SMYD3: variants seen among roughly 807,000 people sequenced by gnomAD.
The protein encoded by SMYD3 is histone-lysine N-methyltransferase SMYD3.
Under a neutral mutation model 57.7 loss-of-function variants are expected in SMYD3, and 36 were observed. The ratio of observed to expected loss-of-function variants is 0.62; its 90% CI spans 0.48 to 0.82. The LOEUF (loss-of-function observed/expected upper bound fraction) is 0.82, where lower values mean the gene tolerates loss of function less well. SMYD3 is among the 40% of genes least tolerant of loss of function. The pLI is 0.00. For missense variants in SMYD3, 515 were observed against 538.8 expected (o/e 0.96, Z 0.44); for synonymous variants, 211 against 195.0 (o/e 1.08, Z -0.68).
At chr1:245,964,188 G>T (rs546928688) in intron 5 of SMYD3, among the ~76,000 whole-genome samples, 1 of 152,098 alleles carries the variant, frequency 6.6e-6, no homozygotes, top group Admixed American at 6.5e-5. Context: ...ACCAGCTCTT[G>T]TGTGAACTAA....
intron 5 of SMYD3, among the ~76,000 whole-genome samples, chr1:246,091,164 C>T (rs984756878): frequency 1.8e-4 from 28 of 152,150 alleles, no homozygotes; most frequent in African/African-American, 6.8e-4. Context: ...GAGAATCTCC[C>T]AGCACCCATG....
At chr1:246,135,267 A>G (rs4654212) in intron 5 of SMYD3, among the ~76,000 whole-genome samples, 82,833 of 151,926 alleles carry the variant, frequency 0.55, 25,379 homozygotes, top group Non-Finnish European at 0.7. Context: ...TCATCCTTCT[A>G]TGTGGAGCAT....
chr1:246,436,554 C>T (rs1572499941), intron 1 of SMYD3, among the ~76,000 whole-genome samples: 1 of 152,286 alleles, frequency 6.6e-6, no homozygotes, highest in East Asian at 1.9e-4. Flanking sequence ...TAGTCTCCTC[C>T]GATCTGTCAT....
Position 246,320,148 on chromosome 1 carries a change from A to T in SMYD3, c.531+7053T>A, listed in dbSNP as rs2065222693. Among the ~76,000 whole-genome samples, 4 of 149,810 alleles carry T rather than the reference A, an allele frequency of 2.7e-5. No individual in the cohort carries two copies. The South Asian group carries it at 6.3e-4, about 24-fold the overall frequency. On this transcript the variant is annotated intron_variant, in intron 5 of 11. Coordinates refer to ENST00000490107, the MANE Select transcript of SMYD3 (RefSeq NM_001167740.2). ...AACACCTTCACAGCTTCTCCAATTT[A>T]AAAAAAAAAGAATCCTCCAATAAAA...
At chr1:246,424,820 T>C (rs1442290414) in intron 1 of SMYD3, among the ~76,000 whole-genome samples, 1 of 152,248 alleles carries the variant, frequency 6.6e-6, no homozygotes, top group Non-Finnish European at 1.5e-5. Flanking sequence ...TTATCATCTT[T>C]GGTTCATGGA....
intron 5 of SMYD3, among the ~76,000 whole-genome samples, chr1:246,251,417 A>ACACTGCGCCCGGCTTTAGTAGGTGCCGCG (rs1558350423): frequency 4.0e-5 from 5 of 123,686 alleles, no homozygotes; most frequent in South Asian, 2.8e-4. Flanking sequence ...TAGGTGCCTC[A>ACACTGCGCCCGGCTTTAGTAGGTGCCGCG]GACACTGTGC....
intron 10 of SMYD3, among the ~76,000 whole-genome samples, chr1:245,787,411 ACT>A (rs1481766471): frequency 6.6e-6 from 1 of 152,092 alleles, no homozygotes; most frequent in Non-Finnish European, 1.5e-5. Context: ...TCACATCCAC[ACT>A]GTGAAGTAAG....
chr1:246,219,488 C>T (rs1202194727), intron 5 of SMYD3, among the ~76,000 whole-genome samples: 1 of 152,144 alleles, frequency 6.6e-6, no homozygotes, highest in Non-Finnish European at 1.5e-5. Context: ...AAACTCCCTG[C>T]ATTTATCATC....
chr1:245,756,812 T>G (rs1572251598), intron 11 of SMYD3, among the ~76,000 whole-genome samples: 1 of 151,622 alleles, frequency 6.6e-6, no homozygotes, highest in Non-Finnish European at 1.5e-5. Flanking sequence ...TTTTTTTTTT[T>G]GTCTTTAGTT....
At chr1:245,998,539 A>C (rs2058974944) in intron 5 of SMYD3, among the ~76,000 whole-genome samples, 1 of 152,188 alleles carries the variant, frequency 6.6e-6, no homozygotes, top group Non-Finnish European at 1.5e-5. Flanking sequence ...GGATGTAGAG[A>C]AACTGGAATC....
At chr1:245,880,366 C>T (rs1279914520) in intron 8 of SMYD3, among the ~76,000 whole-genome samples, 1 of 152,138 alleles carries the variant, frequency 6.6e-6, no homozygotes, top group Non-Finnish European at 1.5e-5. Context: ...TATATAGGTT[C>T]CTGGCTGGCT....
At chr1:245,856,016 G>A (rs2051220967) in intron 10 of SMYD3, among the ~76,000 whole-genome samples, 1 of 152,224 alleles carries the variant, frequency 6.6e-6, no homozygotes. Flanking sequence ...GCGTCTGCAG[G>A]GAGCCGATGC....
In SMYD3 at chr1:246,225,794, C is replaced by T. The variant is rs367725694; in HGVS notation, c.531+101407G>A. Among the ~76,000 whole-genome samples the T allele has an allele frequency of 6.6e-5, 10 of 152,202 alleles. No individual in the cohort carries two copies. In the East Asian group the frequency reaches 1.5e-3, roughly 23 times the overall value. On this transcript the variant is annotated intron_variant, in intron 5 of 11. Transcript: ENST00000490107. ...CTGCCAAATCTAATCAGAGGTTTTGCGGAGGGATTCGTAACAACTATATTC... is the reference window on the plus strand; with the variant it reads ...CTGCCAAATCTAATCAGAGGTTTTGTGGAGGGATTCGTAACAACTATATTC...
chr1:246,104,388 C>T (rs932994513), intron 5 of SMYD3, among the ~76,000 whole-genome samples: 37 of 152,212 alleles, frequency 2.4e-4, no homozygotes, highest in Admixed American at 6.5e-5. Flanking sequence ...GCATGCTGTT[C>T]ACCAGAGACT....
chr1:246,432,752 T>C lies in SMYD3; in HGVS notation c.164+74302A>G, dbSNP rs1158400159. On this transcript the variant is annotated intron_variant, in intron 1 of 11. Coordinates refer to ENST00000490107, the MANE Select transcript of SMYD3 (RefSeq NM_001167740.2). Reference sequence around the variant, plus strand: ...TCTATTTTACAGTGATCTTGCTGTATACTTCACAGTCACACTCATCATTAC... The same window carrying C: ...TCTATTTTACAGTGATCTTGCTGTACACTTCACAGTCACACTCATCATTAC... 2.6e-5 allele frequency among the ~76,000 whole-genome samples: 4 copies of C among 152,246 alleles called. No homozygotes were observed. The East Asian group carries it at 5.8e-4, about 22-fold the overall frequency.
intron 1 of SMYD3, 67 bp downstream of exon 1, chr1:246,506,987 A>G (rs1572067865): frequency 4.9e-5 from 31 of 634,732 alleles, no homozygotes; most frequent in African/African-American, 1.1e-4. Flanking sequence ...CGGCCGCCCG[A>G]CGCCCCCCCC....
intron 5 of SMYD3, among the ~76,000 whole-genome samples, chr1:246,199,215 T>C (rs2062872400): frequency 6.6e-6 from 1 of 152,142 alleles, no homozygotes; most frequent in Admixed American, 6.5e-5. Context: ...TCACTATACC[T>C]AATACAAAAT....
chr1:245,864,398 C>G (rs1269778549), intron 8 of SMYD3, among the ~76,000 whole-genome samples: 1 of 152,218 alleles, frequency 6.6e-6, no homozygotes, highest in Non-Finnish European at 1.5e-5. Context: ...TGGAATATGA[C>G]TCCACAATAA....
Position 245,953,969 on chromosome 1 carries a change from G to A in SMYD3, c.532-24032C>T, listed in dbSNP as rs546168148. ...ATTTTAATTTTAAAAAGGATTTTGTGTAACTTTGTTTAAATCTGATAATCC... is the reference window on the plus strand; with the variant it reads ...ATTTTAATTTTAAAAAGGATTTTGTATAACTTTGTTTAAATCTGATAATCC... On this transcript the variant is annotated intron_variant, in intron 5 of 11. Transcript: ENST00000490107. 2.1e-4 allele frequency among the ~76,000 whole-genome samples: 32 copies of A among 152,286 alleles called. No homozygotes were observed. The South Asian group carries it at 6.4e-3, about 31-fold the overall frequency.
Sources: gnomAD v4.1 joint callset for allele counts (sites outside exome capture counted in the v4.1 genomes callset) on GRCh38, gnomAD v4.1.1 for gene constraint, MANE v1.5 for transcripts, NCBI Gene and HGNC (gene_info 2026-07-23, HGNC 2026-07-21) for gene names.